Variants in ADAMTS17 observed in about 807,000 individuals in gnomAD.
ADAMTS17 encodes ADAM metallopeptidase with thrombospondin type 1 motif 17.
A neutral mutation model predicts 141.5 loss-of-function variants in ADAMTS17; 113 were observed. The ratio of observed to expected loss-of-function variants is 0.80; its 90% CI spans 0.69 to 0.93. ADAMTS17 has a LOEUF of 0.93. Among genes scored for constraint, ADAMTS17 ranks in the 40% least tolerant of loss-of-function variants. The probability of loss-of-function intolerance (pLI) is 0.00; values close to 1 mark genes in which losing one functional copy is unlikely to be tolerated. For missense variants in ADAMTS17, 1,659 were observed against 1,517.9 expected, an observed-to-expected ratio of 1.09 and a Z score of -1.54; for synonymous variants, 768 against 630.6, an observed-to-expected ratio of 1.22 and a Z score of -3.27.
intron 18 of ADAMTS17, among the ~76,000 whole-genome samples, chr15:100,026,358 A>T (rs776843812): frequency 3.9e-5 from 6 of 152,208 alleles, no homozygotes; most frequent in Non-Finnish European, 7.3e-5. Flanking sequence ...ACATTCTTGT[A>T]CATGTCTTGT....
intron 13 of ADAMTS17, among the ~76,000 whole-genome samples, chr15:100,116,529 C>G (rs2037140448): frequency 6.6e-6 from 1 of 152,274 alleles, no homozygotes; most frequent in Non-Finnish European, 1.5e-5. Context: ...TTGGTCTCCT[C>G]AGCTCGTCCT....
intron 18 of ADAMTS17, among the ~76,000 whole-genome samples, chr15:100,040,888 C>A (rs1357118090): frequency 1.3e-5 from 2 of 152,106 alleles, no homozygotes; most frequent in African/African-American, 4.8e-5. Flanking sequence ...TGTAATACAC[C>A]ACAGGTATTA....
chr15:100,032,397 C>A (rs1015281696), intron 18 of ADAMTS17, among the ~76,000 whole-genome samples: 1 of 152,192 alleles, frequency 6.6e-6, no homozygotes, highest in African/African-American at 2.4e-5. Flanking sequence ...ATTTTCATTT[C>A]TTTTCTAGTA....
intron 7 of ADAMTS17, among the ~76,000 whole-genome samples, chr15:100,222,301 G>A (rs2042158975): frequency 6.6e-6 from 1 of 152,212 alleles, no homozygotes; most frequent in African/African-American, 2.4e-5. Context: ...ATCCGGCTGT[G>A]GATGGCTCTT....
chr15:100,069,128 G>T (rs2033780947), intron 15 of ADAMTS17, among the ~76,000 whole-genome samples: 1 of 152,168 alleles, frequency 6.6e-6, no homozygotes, highest in South Asian at 2.1e-4. Context: ...CGGTCAACTG[G>T]AAGAAAGGGT....
chr15:100,291,825 C>T (rs552338856), intron 3 of ADAMTS17, among the ~76,000 whole-genome samples: 181 of 152,300 alleles, frequency 1.2e-3, no homozygotes, highest in Admixed American at 2.5e-3. Flanking sequence ...AACGACCTAT[C>T]GGGTACTATG....
chr15:100,263,954 A>G (rs980974846), intron 4 of ADAMTS17, among the ~76,000 whole-genome samples: 5 of 152,220 alleles, frequency 3.3e-5, no homozygotes, highest in African/African-American at 1.2e-4. Context: ...CCCAGCCCAC[A>G]AGCGCTAGAA....
At position 100,152,765 on chromosome 15, in the gene ADAMTS17, G is replaced by C. The variant is rs1806194042; in HGVS notation, c.1323-3C>G. Reference sequence around the variant, plus strand: ...GCAAGCAGGTGCTGACTTTTGACCTGAAACAGCCGAGAGGCAAGTTGACTT... The same window carrying C: ...GCAAGCAGGTGCTGACTTTTGACCTCAAACAGCCGAGAGGCAAGTTGACTT... On this transcript the variant is annotated splice_polypyrimidine_tract_variant and splice_region_variant and intron_variant, in intron 9 of 21. Coordinates refer to ENST00000268070, the MANE Select transcript of ADAMTS17 (RefSeq NM_139057.4). 1.9e-6 allele frequency: 3 copies of C among 1,614,142 alleles called. No individual in the cohort carries two copies. The highest frequency in any genetic ancestry group is 2.5e-6 in the Non-Finnish European group (3 of 1,180,028).
intron 12 of ADAMTS17, among the ~76,000 whole-genome samples, chr15:100,119,147 C>T (rs1215198973): frequency 6.6e-6 from 1 of 151,788 alleles, no homozygotes; most frequent in Non-Finnish European, 1.5e-5. Context: ...AACAGATTCT[C>T]CCTCACAGTG....
chr15:100,111,045 C>T (rs184140310), intron 13 of ADAMTS17, among the ~76,000 whole-genome samples: 6 of 152,272 alleles, frequency 3.9e-5, no homozygotes, highest in South Asian at 4.1e-4. Flanking sequence ...TCAGTTCTTC[C>T]GGTTAGCTGT....
Position 99,974,315 on chromosome 15 carries a change from G to C in ADAMTS17, c.*87C>G. 6.4e-7 allele frequency: 1 copy of C among 1,560,704 alleles called. No individual in the cohort carries two copies. The highest frequency in any genetic ancestry group is 1.1e-5 in the South Asian group (1 of 89,698). On this transcript the variant is annotated 3_prime_UTR_variant, in exon 22 of 22. Coordinates refer to ENST00000268070, the MANE Select transcript of ADAMTS17 (RefSeq NM_139057.4). ...AGTTGGATTCTTGTGGCAGCCGGGTGGGGGCGTGGCCACAAGGCTGGTAGG... is the reference window on the plus strand; with the variant it reads ...AGTTGGATTCTTGTGGCAGCCGGGTCGGGGCGTGGCCACAAGGCTGGTAGG...
At chr15:100,226,424 T>C (rs1341389100) in intron 7 of ADAMTS17, among the ~76,000 whole-genome samples, 1 of 152,256 alleles carries the variant, frequency 6.6e-6, no homozygotes, top group African/African-American at 2.4e-5. Flanking sequence ...CATAATCAGA[T>C]GTGGTTTTGA....
chr15:100,222,868 G>A (rs536622163), intron 7 of ADAMTS17, among the ~76,000 whole-genome samples: 4 of 152,214 alleles, frequency 2.6e-5, no homozygotes, highest in Non-Finnish European at 4.4e-5. Context: ...AGCCTAAGGG[G>A]GAGGCAGGCA....
chr15:100,295,324 C>A (rs2044771863), intron 3 of ADAMTS17, among the ~76,000 whole-genome samples: 1 of 152,142 alleles, frequency 6.6e-6, no homozygotes, highest in South Asian at 2.1e-4. Context: ...ATATATTTCC[C>A]AGACCACCTT....
chr15:100,311,687 G>A (rs1349067321), intron 3 of ADAMTS17, among the ~76,000 whole-genome samples: 2 of 152,130 alleles, frequency 1.3e-5, no homozygotes, highest in Non-Finnish European at 2.9e-5. Flanking sequence ...ACAAAAAATG[G>A]CATCATACCC....
At chr15:100,341,670 T>G (rs2046370817) in intron 1 of ADAMTS17, 151 bp downstream of exon 1, 4 of 1,010,544 alleles carry the variant, frequency 4.0e-6, no homozygotes, top group Non-Finnish European at 5.2e-6. Context: ...AGCCACCCGA[T>G]TCCCGTACTC....
At chr15:99,976,984 T>G (rs2060346710) in intron 20 of ADAMTS17, among the ~76,000 whole-genome samples, 1 of 152,132 alleles carries the variant, frequency 6.6e-6, no homozygotes, top group Non-Finnish European at 1.5e-5. Context: ...GGACCGGGCC[T>G]GATGACCACA....
In ADAMTS17 at chr15:100,155,256, C is replaced by A; in HGVS notation, c.1246G>T (p.Glu416Ter). The change falls in exon 9 of 22, where the codon GAG (glutamate) becomes TAG (stop). Residue 416 changes from glutamate to a stop codon, truncating the protein, a stop_gained. Coordinates refer to ENST00000268070, the MANE Select transcript of ADAMTS17 (RefSeq NM_139057.4). LOFTEE classifies it high-confidence loss of function. ...CTTGGGTTCCGGCCTTTCACCCACT[C>A]TCCTGACATGATGTGGGACCTGCCA... ...CAGRSHIMSG[E>*]WVKGRNPSDL... 2 of 1,614,212 alleles carry A rather than the reference C, an allele frequency of 1.2e-6. No homozygotes were observed. The highest frequency in any genetic ancestry group is 1.7e-6 in the Non-Finnish European group (2 of 1,180,040).
At chr15:100,163,134 C>A (rs1469690944) in intron 8 of ADAMTS17, among the ~76,000 whole-genome samples, 1 of 151,646 alleles carries the variant, frequency 6.6e-6, no homozygotes, top group Non-Finnish European at 1.5e-5. Context: ...TATACCTACA[C>A]TTACACGTAC....
Sources: allele counts gnomAD v4.1 joint callset (sites outside exome capture counted in the v4.1 genomes callset), GRCh38; gene constraint gnomAD v4.1.1; transcripts MANE v1.5; gene names NCBI Gene and HGNC (gene_info 2026-07-23, HGNC 2026-07-21).